Variants in AGMO observed in about 807,000 individuals in gnomAD.
AGMO encodes glyceryl-ether monooxygenase.
In AGMO, 75 loss-of-function variants were observed where a neutral mutation model predicts 60.2. That is an observed-to-expected ratio of 1.25 (90% CI 1.03 to 1.51). The LOEUF is 1.51. Among genes scored for constraint, AGMO ranks in the 40% most tolerant of loss-of-function variants. AGMO has a pLI of 0.00. For synonymous variants in AGMO, 261 were observed against 177.1 expected (o/e 1.47, Z -3.76); for missense variants, 763 against 525.5 (o/e 1.45, Z -4.42).
chr7:15,286,268 C>CTT (rs1309650328), intron 12 of AGMO, among the ~76,000 whole-genome samples: 3 of 152,034 alleles, frequency 2.0e-5, no homozygotes, highest in African/African-American at 4.8e-5. Context: ...AAGAATTAAT[C>CTT]ATCAGAGTAA....
chr7:15,447,639 C>T (rs544340439), intron 3 of AGMO, among the ~76,000 whole-genome samples: 4 of 152,128 alleles, frequency 2.6e-5, no homozygotes, highest in Non-Finnish European at 5.9e-5. Flanking sequence ...CAACCTCCAC[C>T]TCCCAGGTTC....
chr7:15,197,315 G>A (rs1223489975), downstream of AGMO, among the ~76,000 whole-genome samples: 2 of 152,010 alleles, frequency 1.3e-5, no homozygotes, highest in Admixed American at 6.6e-5. Flanking sequence ...AAGAATTCCA[G>A]TCAATGATTC....
intron 12 of AGMO, among the ~76,000 whole-genome samples, chr7:15,355,193 A>T (rs1371850968): frequency 6.6e-6 from 1 of 152,166 alleles, no homozygotes; most frequent in Non-Finnish European, 1.5e-5. Context: ...AAATTAAAAC[A>T]GTAAATCTTG....
intron 10 of AGMO, among the ~76,000 whole-genome samples, chr7:15,382,563 C>T (rs1478014843): frequency 1.3e-5 from 2 of 152,100 alleles, no homozygotes; most frequent in Admixed American, 6.6e-5. Context: ...TAACAAGATG[C>T]TGTAGAAGTA....
intron 12 of AGMO, among the ~76,000 whole-genome samples, chr7:15,339,014 T>A (rs964833456): frequency 4.6e-5 from 7 of 152,162 alleles, no homozygotes; most frequent in African/African-American, 1.4e-4. Context: ...TGTCTAAAGA[T>A]CTTGGGTATT....
Position 15,374,183 on chromosome 7 carries a change from A to G in AGMO, c.1075-7961T>C, listed in dbSNP as rs368079445. 6.6e-5 allele frequency among the ~76,000 whole-genome samples: 10 copies of G among 152,128 alleles called. 1 individual carries two copies. Among genetic ancestry groups the G allele is most frequent in the African/African-American group, 2.4e-4 (10 of 41,410 alleles). On this transcript the variant is annotated intron_variant, in intron 10 of 12. Transcript: ENST00000342526. ...ATGTGAGTCTCAAGAATCTGTCTTG[A>G]AAGAATTTCTTGCTCTTTAAAATAA...
At chr7:15,187,675 G>A in the AGMO span, among the ~76,000 whole-genome samples, 79 of 152,186 alleles carry the variant, frequency 5.2e-4, 1 homozygote, top group East Asian at 0.013. Context: ...GTGGGTCTGT[G>A]TTGTGTATTG....
intron 12 of AGMO, among the ~76,000 whole-genome samples, chr7:15,354,466 G>C (rs868174409): frequency 6.4e-5 from 1 of 15,724 alleles, no homozygotes; most frequent in Non-Finnish European, 1.1e-4. Context: ...ACACACGTGT[G>C]TGTATACACA....
At chr7:15,172,512 TTAAAA>T in the AGMO span, among the ~76,000 whole-genome samples, 20 of 152,180 alleles carry the variant, frequency 1.3e-4, no homozygotes, top group Admixed American at 3.9e-4. Flanking sequence ...GCATCAACAC[TTAAAA>T]TAAAACCTGC....
At chr7:15,184,357 G>GGGAGAAAGGGAGGAAAGAAAA in the AGMO span, among the ~76,000 whole-genome samples, 1 of 61,180 alleles carries the variant, frequency 1.6e-5, no homozygotes, top group East Asian at 6.8e-4. Context: ...AAGGGAGGGA[G>GGGAGAAAGGGAGGAAAGAAAA]GGAAGGAAGG....
At chr7:15,354,422 A>G (rs1393347222) in intron 12 of AGMO, among the ~76,000 whole-genome samples, 1 of 5,966 alleles carries the variant, frequency 1.7e-4, no homozygotes, top group Non-Finnish European at 3.1e-4. Flanking sequence ...GTGTGTGTAT[A>G]CACACACGTG....
the AGMO span, among the ~76,000 whole-genome samples, chr7:15,166,361 TG>T: frequency 6.6e-6 from 1 of 151,912 alleles, no homozygotes; most frequent in East Asian, 1.9e-4. Flanking sequence ...GGCAGCTGGG[TG>T]TGTGGTATAT....
chr7:15,284,392 A>G (rs1378368480), intron 12 of AGMO, among the ~76,000 whole-genome samples: 1 of 152,102 alleles, frequency 6.6e-6, no homozygotes. Flanking sequence ...TGAAGACATT[A>G]CAACTGACAC....
In AGMO at chr7:15,286,121, T is replaced by G. The variant is rs759516278; in HGVS notation, c.1263+79393A>C. ...AGCTAAGACCTGAAACTATAAACAT[T>G]GTATAAAATAGCCTAGAAAAAAGCT... On this transcript the variant is annotated intron_variant, in intron 12 of 12. Coordinates refer to ENST00000342526, the MANE Select transcript of AGMO (RefSeq NM_001004320.2). Among the ~76,000 whole-genome samples, 7 of 152,048 alleles carry G rather than the reference T, an allele frequency of 4.6e-5. No individual in the cohort carries two copies. The East Asian group carries it at 1.4e-3, about 29-fold the overall frequency.
intron 12 of AGMO, among the ~76,000 whole-genome samples, chr7:15,331,278 A>G (rs879729835): frequency 4.6e-5 from 7 of 152,222 alleles, no homozygotes; most frequent in Non-Finnish European, 1.0e-4. Flanking sequence ...CCTAATCAAT[A>G]GAAGCTGTGA....
At chr7:15,550,463 T>G (rs1208670266) in intron 2 of AGMO, among the ~76,000 whole-genome samples, 1 of 151,846 alleles carries the variant, frequency 6.6e-6, no homozygotes, top group African/African-American at 2.4e-5. Flanking sequence ...AAATAGACAC[T>G]ATAAAAAATG....
chr7:15,341,815 T>G (rs1781857949), intron 12 of AGMO, among the ~76,000 whole-genome samples: 1 of 152,126 alleles, frequency 6.6e-6, no homozygotes, highest in African/African-American at 2.4e-5. Context: ...AAGGCATGTC[T>G]TTCAAGGCAG....
At chr7:15,128,118 G>C in the AGMO span, among the ~76,000 whole-genome samples, 989 of 152,114 alleles carry the variant, frequency 6.5e-3, 9 homozygotes, top group African/African-American at 0.023. Flanking sequence ...CCTGAACCCT[G>C]CCAGTGCCAC....
chr7:15,395,818 CTT>C (rs1259270646), intron 5 of AGMO, among the ~76,000 whole-genome samples: 17 of 152,284 alleles, frequency 1.1e-4, no homozygotes, highest in Middle Eastern at 3.4e-3. Flanking sequence ...ATACAAAACT[CTT>C]TATCTAGGAG....
Sources: gnomAD v4.1 joint callset for allele counts (sites outside exome capture counted in the v4.1 genomes callset) on GRCh38, gnomAD v4.1.1 for gene constraint, MANE v1.5 for transcripts, NCBI Gene and HGNC (gene_info 2026-07-23, HGNC 2026-07-21) for gene names.